Variants in HTR2C observed in about 807,000 individuals in gnomAD.
HTR2C encodes the protein 5-hydroxytryptamine receptor 2C.
A neutral mutation model predicts 21.0 loss-of-function variants in HTR2C; 5 were observed. The observed-to-expected ratio is 0.24, with a 90% CI of 0.12 to 0.50. The LOEUF is 0.50. Among genes scored for constraint, HTR2C ranks in the 20% least tolerant of loss-of-function variants. HTR2C has a pLI of 0.98. For synonymous variants in HTR2C, 150 were observed against 145.3 expected, an observed-to-expected ratio of 1.03 and a Z score of -0.23; for missense variants, 271 against 371.2, an observed-to-expected ratio of 0.73 and a Z score of 2.22.
intron 5 of HTR2C, 113 bp from the exon 6 acceptor site, chrX:114,906,476 A>T: frequency 1.9e-6 from 1 of 523,097 alleles, no homozygotes; most frequent in Non-Finnish European, 3.2e-6. Flanking sequence ...AGCTTTCAAC[A>T]AATATCAGGT....
At chrX:114,742,711 G>GTT (rs137858628) in intron 4 of HTR2C, among the ~76,000 whole-genome samples, 40,639 of 81,146 alleles carry the variant, frequency 0.5, 9,621 homozygotes, top group East Asian at 0.78. Context: ...AGCAGCTACT[G>GTT]TTTTTTTTTT....
intron 4 of HTR2C, among the ~76,000 whole-genome samples, chrX:114,746,496 T>A (rs782163235): frequency 8.9e-6 from 1 of 111,786 alleles, no homozygotes; most frequent in East Asian, 2.8e-4. Context: ...ATAATAACCA[T>A]ATGATCATCT....
At chrX:114,601,785 G>A (rs868966946) in intron 1 of HTR2C, among the ~76,000 whole-genome samples, 3 of 104,469 alleles carry the variant, frequency 2.9e-5, no homozygotes, top group Non-Finnish European at 3.9e-5. Context: ...TTGGGGCGGC[G>A]AAAATTTTGG....
intron 5 of HTR2C, among the ~76,000 whole-genome samples, chrX:114,889,488 C>T (rs1170873008): frequency 8.9e-6 from 1 of 112,057 alleles, no homozygotes; most frequent in African/African-American, 3.2e-5. Context: ...TGCAGGTGTC[C>T]TTTTAGATTA....
intron 2 of HTR2C, among the ~76,000 whole-genome samples, chrX:114,623,641 A>T (rs1262597968): frequency 9.0e-6 from 1 of 111,678 alleles, no homozygotes; most frequent in Non-Finnish European, 1.9e-5. Context: ...GTTTGACTAG[A>T]AAATGACTTT....
Position 114,906,914 on chromosome X carries a change from G to A in HTR2C, c.876G>A (p.Lys292=), listed in dbSNP as rs1556487085. The A allele has an allele frequency of 4.1e-6, 5 of 1,211,238 alleles. No individual in the cohort carries two copies. The highest frequency in any genetic ancestry group is 5.6e-6 in the Non-Finnish European group (5 of 895,276). ...AGAACGCACGCCGAAGAAAGAAGAAGGAGAGACGTCCTAGGGGCACCATGC... is the reference window on the plus strand; with the variant it reads ...AGAACGCACGCCGAAGAAAGAAGAAAGAGAGACGTCCTAGGGGCACCATGC... ...QDQNARRRKK[K]ERRPRGTMQA... The change falls in exon 6 of 6, where the codon AAG becomes AAA. Residue 292 remains lysine, a synonymous_variant. Transcript: ENST00000276198.
chrX:114,834,232 C>G (rs2070758030), intron 4 of HTR2C, among the ~76,000 whole-genome samples: 1 of 110,311 alleles, frequency 9.1e-6, no homozygotes, highest in African/African-American at 3.3e-5. Flanking sequence ...TGATGCAAGG[C>G]TGAGTTCAAT....
chrX:114,689,828 A>C (rs1451066442), intron 2 of HTR2C, among the ~76,000 whole-genome samples: 2 of 111,971 alleles, frequency 1.8e-5, no homozygotes, highest in Non-Finnish European at 3.8e-5. Flanking sequence ...GTTAAAGTAG[A>C]ACTATAATAT....
At chrX:114,743,116 A>G (rs1039181244) in intron 4 of HTR2C, among the ~76,000 whole-genome samples, 27 of 82,240 alleles carry the variant, frequency 3.3e-4, no homozygotes, top group Non-Finnish European at 4.9e-4. Context: ...CATTTTCTTA[A>G]TCCAGTCTAT....
At chrX:114,644,553 C>T (rs1556407186) in intron 2 of HTR2C, among the ~76,000 whole-genome samples, 3 of 102,806 alleles carry the variant, frequency 2.9e-5, no homozygotes, top group African/African-American at 1.1e-4. Flanking sequence ...TTTTTCTCCT[C>T]ATACTTAAAT....
chrX:114,645,484 A>G (rs917991849), intron 2 of HTR2C, among the ~76,000 whole-genome samples: 17 of 110,865 alleles, frequency 1.5e-4, no homozygotes, highest in Non-Finnish European at 2.6e-4. Flanking sequence ...GTAATAATAA[A>G]AAAAATGAGT....
intron 4 of HTR2C, among the ~76,000 whole-genome samples, chrX:114,759,759 G>A (rs2069847893): frequency 1.8e-5 from 2 of 111,026 alleles, no homozygotes; most frequent in South Asian, 7.7e-4. Context: ...CATGCTCTCT[G>A]GTACCTTGCT....
chrX:114,801,985 G>A (rs1443243966), intron 4 of HTR2C, among the ~76,000 whole-genome samples: 1 of 110,029 alleles, frequency 9.1e-6, no homozygotes, highest in African/African-American at 3.3e-5. Context: ...TATTAATTTG[G>A]TTACATTTTC....
At chrX:114,748,715 C>A (rs147964708) in intron 4 of HTR2C, among the ~76,000 whole-genome samples, 2 of 111,950 alleles carry the variant, frequency 1.8e-5, no homozygotes, top group Admixed American at 9.5e-5. Context: ...ATATTTTACA[C>A]CTTCTACAAA....
chrX:114,861,246 G>A (rs2071004100), intron 5 of HTR2C, among the ~76,000 whole-genome samples: 2 of 110,969 alleles, frequency 1.8e-5, no homozygotes, highest in South Asian at 7.5e-4. Flanking sequence ...TTTTTCTTTA[G>A]TTTCCACATA....
chrX:114,674,378 C>T (rs1203885688), intron 2 of HTR2C, among the ~76,000 whole-genome samples: 2 of 112,052 alleles, frequency 1.8e-5, no homozygotes, highest in African/African-American at 6.5e-5. Context: ...TTTAGGGAAA[C>T]TTCTGACCTT....
chrX:114,806,398 T>C (rs2070437322), intron 4 of HTR2C, among the ~76,000 whole-genome samples: 2 of 72,916 alleles, frequency 2.7e-5, no homozygotes, highest in African/African-American at 4.9e-5. Context: ...ATATACTGTA[T>C]ATATATACAC....
chrX:114,695,363 T>C (rs1378491467), intron 2 of HTR2C, among the ~76,000 whole-genome samples: 1 of 111,751 alleles, frequency 8.9e-6, no homozygotes, highest in Non-Finnish European at 1.9e-5. Flanking sequence ...TAAAATATGT[T>C]TGGTTGTGCA....
At chrX:114,888,251 T>C (rs781810416) in intron 5 of HTR2C, among the ~76,000 whole-genome samples, 2 of 111,726 alleles carry the variant, frequency 1.8e-5, no homozygotes, top group South Asian at 7.5e-4. Context: ...ATCTAGAATT[T>C]GAGTGCTAAG....
Sources: gnomAD v4.1 joint callset for allele counts (sites outside exome capture counted in the v4.1 genomes callset) on GRCh38, gnomAD v4.1.1 for gene constraint, MANE v1.5 for transcripts, NCBI Gene and HGNC (gene_info 2026-07-23, HGNC 2026-07-21) for gene names.